Variants in HEPHL1 observed in about 807,000 individuals in gnomAD.
HEPHL1 encodes hephaestin like 1, also known as ferroxidase HEPHL1.
Under a neutral mutation model 122.0 loss-of-function variants are expected in HEPHL1, and 123 were observed. The ratio of observed to expected loss-of-function variants is 1.01; its 90% confidence interval spans 0.87 to 1.17. HEPHL1 has a LOEUF of 1.17. Among genes scored for constraint, HEPHL1 ranks in the 50% most tolerant of loss-of-function variants. The pLI is 0.00. For synonymous variants in HEPHL1, 527 were observed against 508.9 expected, an observed-to-expected ratio of 1.04 and a Z score of -0.48; for missense variants, 1,452 against 1,430.5, an observed-to-expected ratio of 1.01 and a Z score of -0.24.
intron 17 of HEPHL1, 102 bp downstream of exon 17, chr11:94,106,232 G>A (rs1218091085): frequency 2.3e-6 from 2 of 852,904 alleles, no homozygotes; most frequent in Non-Finnish European, 3.6e-6. Context: ...TGCTTGTGAG[G>A]ATAGGTGAGA....
intron 6 of HEPHL1, among the ~76,000 whole-genome samples, chr11:94,072,245 T>G (rs533824705): frequency 1.8e-4 from 27 of 152,174 alleles, no homozygotes; most frequent in Non-Finnish European, 3.1e-4. Flanking sequence ...CAGTATCAGA[T>G]AGAGGATGCA....
At chr11:94,031,495 C>T (rs1423184785) in intron 1 of HEPHL1, among the ~76,000 whole-genome samples, 1 of 152,122 alleles carries the variant, frequency 6.6e-6, no homozygotes, top group Non-Finnish European at 1.5e-5. Flanking sequence ...GGCATGAATG[C>T]CATCATTTAT....
intron 1 of HEPHL1, among the ~76,000 whole-genome samples, chr11:94,035,380 A>G (rs1473699616): frequency 6.6e-6 from 1 of 152,244 alleles, no homozygotes; most frequent in African/African-American, 2.4e-5. Flanking sequence ...AGTACTTTGC[A>G]TGCTATAAAT....
chr11:94,060,851 G>T (rs1945981348), intron 2 of HEPHL1, among the ~76,000 whole-genome samples: 1 of 152,146 alleles, frequency 6.6e-6, no homozygotes, highest in South Asian at 2.1e-4. Context: ...TTATATTTAA[G>T]ATTTGAAAAG....
At chr11:94,070,723 A>AT (rs1169092840) in intron 6 of HEPHL1, among the ~76,000 whole-genome samples, 181 bp downstream of exon 6, 1 of 152,112 alleles carries the variant, frequency 6.6e-6, no homozygotes, top group Non-Finnish European at 1.5e-5. Flanking sequence ...CTGGTAGAAT[A>AT]TTTTTTGTTT....
At chr11:94,090,942 A>C (rs554671388) in intron 12 of HEPHL1, among the ~76,000 whole-genome samples, 1 of 152,328 alleles carries the variant, frequency 6.6e-6, no homozygotes, top group South Asian at 2.1e-4. Flanking sequence ...AAAGCCAACA[A>C]ATGGGACCAT....
chr11:94,085,590 A>G (rs754426768), intron 10 of HEPHL1, among the ~76,000 whole-genome samples: 12 of 152,228 alleles, frequency 7.9e-5, no homozygotes, highest in Non-Finnish European at 1.5e-4. Context: ...GTCTTGTAGA[A>G]TTCAATGAAT....
At chr11:94,076,010 A>G (rs1465208275) in intron 9 of HEPHL1, among the ~76,000 whole-genome samples, 1 of 152,170 alleles carries the variant, frequency 6.6e-6, no homozygotes, top group African/African-American at 2.4e-5. Flanking sequence ...AAAGAGAAAA[A>G]CAGTCATTTA....
chr11:94,084,778 A>G (rs1946202223), intron 10 of HEPHL1, among the ~76,000 whole-genome samples: 1 of 152,020 alleles, frequency 6.6e-6, no homozygotes, highest in African/African-American at 2.4e-5. Flanking sequence ...GACATTATCA[A>G]AGATTTTTTT....
intron 17 of HEPHL1, among the ~76,000 whole-genome samples, chr11:94,106,391 C>T (rs539576685): frequency 2.0e-5 from 3 of 151,018 alleles, no homozygotes; most frequent in Admixed American, 2.0e-4. Context: ...CTCCCGGGTT[C>T]ATGTCATTCT....
At chr11:94,076,204 T>A (rs760514416) in intron 9 of HEPHL1, among the ~76,000 whole-genome samples, 2 of 152,198 alleles carry the variant, frequency 1.3e-5, no homozygotes, top group Non-Finnish European at 2.9e-5. Flanking sequence ...CGGAAATGTC[T>A]ATTGCATGTG....
intron 8 of HEPHL1, among the ~76,000 whole-genome samples, chr11:94,074,307 T>C (rs909060663): frequency 3.3e-5 from 5 of 152,142 alleles, no homozygotes; most frequent in African/African-American, 1.2e-4. Flanking sequence ...CAGTGGGTCA[T>C]GCCTGTAAGC....
chr11:94,094,417 G>T (rs1460554194), intron 13 of HEPHL1, among the ~76,000 whole-genome samples: 1 of 152,034 alleles, frequency 6.6e-6, no homozygotes, highest in African/African-American at 2.4e-5. Context: ...ATTTGGGTTG[G>T]TTCCAAGTCT....
intron 2 of HEPHL1, among the ~76,000 whole-genome samples, chr11:94,056,656 ATTATC>A (rs200077903): frequency 0.082 from 8,785 of 106,856 alleles, 344 homozygotes; most frequent in East Asian, 0.18. Context: ...GCTATTATTG[ATTATC>A]TATCTATCTA....
chr11:94,103,286 A>G (rs1298074808), intron 15 of HEPHL1, among the ~76,000 whole-genome samples: 5 of 151,488 alleles, frequency 3.3e-5, no homozygotes, highest in Non-Finnish European at 7.4e-5. Flanking sequence ...AAAAAAAAAA[A>G]AAAAAAAAAA....
chr11:94,093,971 GATATATATATATATATATATATATATAT>G lies in HEPHL1; in HGVS notation c.2434+347_2434+374del, dbSNP rs201036709. 2.0e-3 allele frequency among the ~76,000 whole-genome samples: 144 copies of G among 72,780 alleles called. 5 individuals carry two copies. Among genetic ancestry groups the G allele is most frequent in the African/African-American group, 6.3e-3 (127 of 20,310 alleles). The allele number at this position is 72,780 out of a possible 152,430, so 47.7% of individuals were successfully genotyped here. A position where few individuals can be genotyped will look rare whatever the true frequency, so the allele number is the denominator to read the frequency against. On this transcript the variant is annotated intron_variant, in intron 13 of 19. Transcript: ENST00000315765. ...AAATTTTCTTTTAAATCCTCCAGCA[GATATATATATATATATATATATATATAT>G]ATATATATATATATAAAACTTTAAG...
In HEPHL1 at chr11:94,064,280, G is replaced by A. The variant is rs1381178283; in HGVS notation, c.629-51G>A. ...CCTGACACTATTGGAAGGAAGCAAAGCTCATCTTGATTTAGTTCTTTCTCT... is the reference window on the plus strand; with the variant it reads ...CCTGACACTATTGGAAGGAAGCAAAACTCATCTTGATTTAGTTCTTTCTCT... On this transcript the variant is annotated intron_variant, in intron 3 of 19. Coordinates refer to ENST00000315765, the MANE Select transcript of HEPHL1 (RefSeq NM_001098672.2). 4.9e-6 allele frequency: 7 copies of A among 1,425,302 alleles called. No individual in the cohort carries two copies. In the African/African-American group the frequency reaches 9.8e-5, roughly 20 times the overall value. The allele number at this position is 1,425,302 out of a possible 1,614,324, so 88.3% of individuals were successfully genotyped here.
chr11:94,068,920 T>G (rs2251782), intron 5 of HEPHL1, among the ~76,000 whole-genome samples: 143,569 of 152,236 alleles, frequency 0.94, 68,261 homozygotes, highest in East Asian at 1. Context: ...GGGCTGCTTT[T>G]GTAACACATT....
chr11:94,037,098 A>T (rs1184480363), intron 1 of HEPHL1, among the ~76,000 whole-genome samples: 1 of 152,124 alleles, frequency 6.6e-6, no homozygotes, highest in Non-Finnish European at 1.5e-5. Flanking sequence ...GAGTCAAAGA[A>T]AGGGGTGACG....
Sources: gnomAD v4.1 joint callset for allele counts (sites outside exome capture counted in the v4.1 genomes callset) on GRCh38, gnomAD v4.1.1 for gene constraint, MANE v1.5 for transcripts, NCBI Gene and HGNC (gene_info 2026-07-23, HGNC 2026-07-21) for gene names.